The following CLEC1A variants were observed in gnomAD, a reference collection of about 807,000 sequenced individuals.
CLEC1A encodes C-type lectin-like receptor-1.
In CLEC1A, 34 loss-of-function variants were observed where a neutral mutation model predicts 28.7. The ratio of observed to expected loss-of-function variants is 1.18; its 90% CI spans 0.90 to 1.57. The LOEUF (loss-of-function observed/expected upper bound fraction) is 1.57, where lower values mean the gene tolerates loss of function less well. Ranked by LOEUF, CLEC1A falls within the 40% of genes most tolerant of loss-of-function variation. CLEC1A has a pLI of 0.00. For synonymous variants in CLEC1A, 116 were observed against 121.0 expected (o/e 0.96, Z 0.27); for missense variants, 385 against 339.5 (o/e 1.13, Z -1.05).
intron 5 of CLEC1A, among the ~76,000 whole-genome samples, chr12:10,072,025 C>T (rs1866146199): frequency 6.6e-6 from 1 of 151,998 alleles, no homozygotes. Flanking sequence ...AATGTTATCC[C>T]CAGTGTTGGA....
At chr12:10,097,237 T>C (rs1038410465) in intron 1 of CLEC1A, among the ~76,000 whole-genome samples, 1 of 152,218 alleles carries the variant, frequency 6.6e-6, no homozygotes, top group Non-Finnish European at 1.5e-5. Flanking sequence ...TGAATGTGTG[T>C]GTGATTTATT....
intron 5 of CLEC1A, 38 bp downstream of exon 5, chr12:10,073,255 G>T (rs1199157465): frequency 2.0e-6 from 3 of 1,478,484 alleles, no homozygotes; most frequent in Non-Finnish European, 2.8e-6. Context: ...AAATATCTTT[G>T]TTAAATGCCT....
chr12:10,091,231 A>G (rs1010985796), intron 1 of CLEC1A, among the ~76,000 whole-genome samples: 4 of 152,176 alleles, frequency 2.6e-5, no homozygotes, highest in Non-Finnish European at 4.4e-5. Flanking sequence ...CTTGTCCACC[A>G]GTCCATTTCC....
chr12:10,092,519 C>G (rs140410057), intron 1 of CLEC1A: 12 of 258,710 alleles, frequency 4.6e-5, no homozygotes. Flanking sequence ...TCTACTCCAG[C>G]CTGGGTGACA....
chr12:10,092,253 C>T lies in CLEC1A; in HGVS notation c.116-3031G>A, dbSNP rs1392103279. On this transcript the variant is annotated intron_variant, in intron 1 of 5. Transcript: ENST00000315330. ...GCACGGTGGCTTAGGCCTGTAATCT[C>T]ATCACTTTGGAATCCTCCCAACTGA... Among the ~76,000 whole-genome samples, 6 of 152,308 alleles carry T rather than the reference C, an allele frequency of 3.9e-5. No individual in the cohort carries two copies. The East Asian group carries it at 1.2e-3, about 29-fold the overall frequency.
At chr12:10,087,082 G>C (rs867022834) in intron 2 of CLEC1A, among the ~76,000 whole-genome samples, 2 of 151,186 alleles carry the variant, frequency 1.3e-5, no homozygotes, top group Admixed American at 6.6e-5. Context: ...GTGGGTGCCT[G>C]TAATCTCAGC....
chr12:10,085,887 CT>C (rs1292971335), intron 2 of CLEC1A, among the ~76,000 whole-genome samples: 1 of 152,138 alleles, frequency 6.6e-6, no homozygotes, highest in Non-Finnish European at 1.5e-5. Flanking sequence ...AGTATGCATT[CT>C]TTTTATGAGC....
chr12:10,093,532 T>A (rs1399692947), intron 1 of CLEC1A, among the ~76,000 whole-genome samples: 1 of 151,966 alleles, frequency 6.6e-6, no homozygotes, highest in Non-Finnish European at 1.5e-5. Flanking sequence ...TCATCAGGCA[T>A]CAGAGAGGGA....
At chr12:10,088,985 T>C in intron 2 of CLEC1A, 139 bp downstream of exon 2, 1 of 694,258 alleles carries the variant, frequency 1.4e-6, no homozygotes, top group Non-Finnish European at 2.6e-6. Context: ...ATTTAAATAG[T>C]TGCCATTTAA....
chr12:10,071,574 T>C (rs1055695204), intron 5 of CLEC1A, 61 bp from the exon 6 acceptor site: 46 of 1,303,062 alleles, frequency 3.5e-5, no homozygotes, highest in Non-Finnish European at 4.7e-5. Flanking sequence ...AAATATTAAA[T>C]ACCCATTCTT....
At position 10,075,608 on chromosome 12, in the gene CLEC1A, T is replaced by A. The variant is rs759604421; in HGVS notation, c.439A>T (p.Asn147Tyr). The A allele has an allele frequency of 6.2e-7, 1 of 1,614,112 alleles. No individual in the cohort carries two copies. Among genetic ancestry groups the A allele is most frequent in the Admixed American group, 1.7e-5 (1 of 60,012 alleles). ...CTEQWKWHGDNCYQFYKDSKS... is the reference protein window; with the variant it reads ...CTEQWKWHGDYCYQFYKDSKS... ...CTGTCTTTATAGAACTGGTAGCAAT[T>A]GTCTCCATGCCATTTCCATTGTTCT... The change falls in exon 4 of 6, where the codon AAT becomes TAT. Residue 147 changes from asparagine (N) to tyrosine (Y), a missense_variant. Coordinates refer to ENST00000315330, the MANE Select transcript of CLEC1A (RefSeq NM_016511.4).
At chr12:10,089,593 C>T (rs909236976) in intron 1 of CLEC1A, among the ~76,000 whole-genome samples, 1 of 151,982 alleles carries the variant, frequency 6.6e-6, no homozygotes, top group Non-Finnish European at 1.5e-5. Context: ...CTGAGAATCT[C>T]TGAACCTTAC....
chr12:10,082,589 A>G (rs1167135869), intron 2 of CLEC1A, among the ~76,000 whole-genome samples: 1 of 152,134 alleles, frequency 6.6e-6, no homozygotes, highest in Non-Finnish European at 1.5e-5. Flanking sequence ...TGGTACCCAA[A>G]CACAAAAGAC....
chr12:10,094,253 T>A (rs1947747512), intron 1 of CLEC1A, among the ~76,000 whole-genome samples: 1 of 152,090 alleles, frequency 6.6e-6, no homozygotes, highest in African/African-American at 2.4e-5. Context: ...CTTATATGAA[T>A]GTTCTCATCT....
intron 3 of CLEC1A, among the ~76,000 whole-genome samples, chr12:10,077,048 A>AGT (rs1448158862): frequency 7.9e-5 from 12 of 152,210 alleles, no homozygotes; most frequent in Admixed American, 7.9e-4. Context: ...TGTAAAAACA[A>AGT]GTCTCCTACT....
In CLEC1A at chr12:10,070,686, G is replaced by C. The variant is rs954491174; in HGVS notation, c.*647C>G. 3.3e-5 allele frequency: 5 copies of C among 152,164 alleles called. No homozygotes were observed. Among genetic ancestry groups the C allele is most frequent in the Admixed American group, 2.6e-4 (4 of 15,272 alleles). 9.4% of individuals were successfully genotyped at this position (152,164 alleles called of 1,614,324 possible). ...ATGGGGATATATTTCTTTCCTGGGA[G>C]AAATTCCTATGGAGGGGAGACAATT... On this transcript the variant is annotated 3_prime_UTR_variant, in exon 6 of 6. Transcript: ENST00000315330.
chr12:10,071,404 C>G lies in CLEC1A; in HGVS notation c.772G>C (p.Glu258Gln). Residue 258 changes from glutamate to glutamine, a missense_variant, in exon 6 of 6, where the codon GAG becomes CAG. Physicochemically the swap from Glu to Gln is conservative, Grantham distance 29. Coordinates refer to ENST00000315330, the MANE Select transcript of CLEC1A (RefSeq NM_016511.4). Reference sequence around the variant, plus strand: ...GGCTTCACCATTCCTGCCCTTCTCTCACAGACACAACGCTTCAATTCTTTG... The same window carrying G: ...GGCTTCACCATTCCTGCCCTTCTCTGACAGACACAACGCTTCAATTCTTTG... ...DCKELKRCVC[E>Q]RRAGMVKPES... The G allele has an allele frequency of 1.5e-5, 24 of 1,614,046 alleles. No individual in the cohort carries two copies. The highest frequency in any genetic ancestry group is 2.0e-5 in the Non-Finnish European group (24 of 1,179,932).
chr12:10,075,427 C>T, intron 4 of CLEC1A, 77 bp downstream of exon 4: 1 of 1,478,562 alleles, frequency 6.8e-7, no homozygotes, highest in East Asian at 2.3e-5. Flanking sequence ...ATTCTTGATC[C>T]TTAGAGTCTT....
Position 10,071,203 on chromosome 12 carries a change from C to A in CLEC1A, c.*130G>T, listed in dbSNP as rs769159302. The A allele has an allele frequency of 6.2e-5, 50 of 807,028 alleles. No individual in the cohort carries two copies. Among genetic ancestry groups the A allele is most frequent in the Non-Finnish European group, 8.8e-5 (46 of 523,790 alleles). 50.0% of individuals were successfully genotyped at this position (807,028 alleles called of 1,614,324 possible). On this transcript the variant is annotated 3_prime_UTR_variant, in exon 6 of 6. Coordinates refer to ENST00000315330, the MANE Select transcript of CLEC1A (RefSeq NM_016511.4). The stretch of plus-strand genomic sequence containing the variant: ...AATGCTGGTGATCCTGAACAGGAAA[C>A]ACGAGAACCCATTTTGTACTAGTCA...
Sources: gnomAD v4.1 joint callset for allele counts (sites outside exome capture counted in the v4.1 genomes callset) on GRCh38, gnomAD v4.1.1 for gene constraint, MANE v1.5 for transcripts, NCBI Gene and HGNC (gene_info 2026-07-23, HGNC 2026-07-21) for gene names.